VAC14: variants seen among roughly 807,000 people sequenced by gnomAD.
The protein encoded by VAC14 is VAC14 component of PIKFYVE complex.
In VAC14, 47 loss-of-function variants were observed where a neutral mutation model predicts 85.3. That is an observed-to-expected ratio of 0.55 (90% CI 0.44 to 0.70). The LOEUF (loss-of-function observed/expected upper bound fraction) is 0.70. Among genes scored for constraint, VAC14 ranks in the 30% least tolerant of loss-of-function variants. The probability of loss-of-function intolerance (pLI) is 0.00; values close to 1 mark genes in which losing one functional copy is unlikely to be tolerated. For missense variants in VAC14, 861 were observed against 1,004.3 expected, an observed-to-expected ratio of 0.86 and a Z score of 1.93; for synonymous variants, 447 against 430.5, an observed-to-expected ratio of 1.04 and a Z score of -0.47.
chr16:70,696,292 C>T (rs1307859560), intron 16 of VAC14, among the ~76,000 whole-genome samples: 1 of 152,144 alleles, frequency 6.6e-6, no homozygotes, highest in Non-Finnish European at 1.5e-5. Context: ...ATGGGCAGAT[C>T]GCTTGAGGTC....
At chr16:70,729,281 A>G (rs1357029367) in intron 14 of VAC14, among the ~76,000 whole-genome samples, 2 of 152,196 alleles carry the variant, frequency 1.3e-5, no homozygotes, top group Non-Finnish European at 2.9e-5. Flanking sequence ...GCTCTAGAAG[A>G]GCCCAGAGAA....
chr16:70,721,708 C>A (rs1009984546), intron 14 of VAC14, among the ~76,000 whole-genome samples: 5 of 152,146 alleles, frequency 3.3e-5, no homozygotes, highest in African/African-American at 1.2e-4. Context: ...AGCCATTGTG[C>A]CTCTCTGGGC....
intron 14 of VAC14, among the ~76,000 whole-genome samples, chr16:70,709,414 G>C (rs2053983585): frequency 6.6e-6 from 1 of 152,172 alleles, no homozygotes; most frequent in Non-Finnish European, 1.5e-5. Flanking sequence ...AGTTTCTCCA[G>C]AAGCTTCCTG....
intron 14 of VAC14, among the ~76,000 whole-genome samples, chr16:70,723,980 C>T (rs1206457035): frequency 3.3e-5 from 5 of 152,060 alleles, no homozygotes. Flanking sequence ...CAGGGGTCAC[C>T]CTGAAGGACA....
intron 17 of VAC14, among the ~76,000 whole-genome samples, chr16:70,693,345 G>A (rs115328006): frequency 5.6e-4 from 85 of 152,324 alleles, no homozygotes; most frequent in Admixed American, 4.6e-3. Context: ...CTGGTGATAC[G>A]AGGGCTCGGG....
chr16:70,787,568 G>C (rs1283900489), intron 1 of VAC14, among the ~76,000 whole-genome samples: 1 of 152,208 alleles, frequency 6.6e-6, no homozygotes, highest in Non-Finnish European at 1.5e-5. Context: ...TGGACACAAA[G>C]GCCAGGCCTC....
At position 70,763,097 on chromosome 16, in the gene VAC14, A is replaced by G. The variant is rs1257836185; in HGVS notation, c.1161-72T>C. 5 of 1,595,744 alleles carry G rather than the reference A, an allele frequency of 3.1e-6. No individual in the cohort carries two copies. In the East Asian group the frequency reaches 9.0e-5, roughly 29 times the overall value. On this transcript the variant is annotated intron_variant, in intron 10 of 18. Transcript: ENST00000261776. ...CCCTCTCCCATGGAGTCATGGCACC[A>G]CCCTGGGCCTGCACATCCTGAGTCA...
intron 8 of VAC14, 23 bp from the exon 9 acceptor site, chr16:70,780,962 C>T (rs200131837): frequency 7.4e-5 from 119 of 1,613,350 alleles, no homozygotes; most frequent in Non-Finnish European, 9.6e-5. Context: ...ATGTAAGGAG[C>T]GTGATCTGAT....
chr16:70,786,474 T>C (rs1239991753), intron 1 of VAC14, 109 bp from the exon 2 acceptor site: 7 of 1,442,852 alleles, frequency 4.9e-6, no homozygotes, highest in African/African-American at 1.4e-5. Context: ...AAAGAGGAAA[T>C]GGGAGACAGG....
intron 10 of VAC14, among the ~76,000 whole-genome samples, chr16:70,765,172 T>C (rs149620138): frequency 1.1e-4 from 17 of 152,134 alleles, no homozygotes; most frequent in Middle Eastern, 3.4e-3. Flanking sequence ...CACAGGGACA[T>C]GTAGGCTGCC....
intron 18 of VAC14, chr16:70,689,994 G>A: frequency 1.0e-6 from 1 of 985,438 alleles, no homozygotes; most frequent in Non-Finnish European, 1.2e-6. Flanking sequence ...CTGATGCTGG[G>A]CACCCACAGG....
At chr16:70,772,054 A>G (rs909440745) in intron 10 of VAC14, 55 bp downstream of exon 10, 4 of 1,562,272 alleles carry the variant, frequency 2.6e-6, no homozygotes, top group Non-Finnish European at 2.6e-6. Context: ...CGCATCCAGG[A>G]AAGATCTAGG....
chr16:70,800,637 G>C (rs1343309192), intron 1 of VAC14, among the ~76,000 whole-genome samples, 160 bp downstream of exon 1: 1 of 152,220 alleles, frequency 6.6e-6, no homozygotes, highest in Non-Finnish European at 1.5e-5. Flanking sequence ...GTAAAGCAGG[G>C]ACTCCCAGAT....
At chr16:70,753,383 T>C (rs2031559987) in intron 12 of VAC14, among the ~76,000 whole-genome samples, 1 of 152,100 alleles carries the variant, frequency 6.6e-6, no homozygotes, top group African/African-American at 2.4e-5. Flanking sequence ...GGGAGGTGCC[T>C]GGGAAATCCA....
intron 13 of VAC14, among the ~76,000 whole-genome samples, chr16:70,735,683 A>C (rs2054728746): frequency 6.6e-6 from 1 of 152,248 alleles, no homozygotes; most frequent in Non-Finnish European, 1.5e-5. Flanking sequence ...CTCAATCCCA[A>C]GAACCTCCTA....
chr16:70,786,034 T>G, intron 2 of VAC14, 165 bp from the exon 3 acceptor site: 1 of 1,329,882 alleles, frequency 7.5e-7, no homozygotes, highest in Admixed American at 2.5e-5. Context: ...AGAGGGCCCA[T>G]GCCTAGGGGA....
At chr16:70,720,747 G>C (rs1031688725) in intron 14 of VAC14, among the ~76,000 whole-genome samples, 1 of 152,244 alleles carries the variant, frequency 6.6e-6, no homozygotes, top group African/African-American at 2.4e-5. Flanking sequence ...CTCTCCTGGG[G>C]TACTGAGGAG....
rs538497809 is a variant in VAC14, at chr16:70,690,173, G to T, written c.2187-2083C>A. On this transcript the variant is annotated intron_variant, in intron 18 of 18. Transcript: ENST00000261776. ...AGAGTGGGCCACATCTGCTCCCTGG[G>T]CCCTTAGGGTGGCAAGAAGTCCTGC... 20 of 985,504 alleles carry T rather than the reference G, an allele frequency of 2.0e-5. No homozygotes were observed. In the African/African-American group the frequency reaches 3.1e-4, roughly 15 times the overall value. The allele number at this position is 985,504 out of a possible 1,614,324, so 61.0% of individuals were successfully genotyped here.
rs946601758 is a variant in VAC14, at chr16:70,738,592, A to AG, written c.1528+5830dup. 2.3e-3 allele frequency among the ~76,000 whole-genome samples: 346 copies of AG among 152,202 alleles called. 4 individuals are homozygous for AG. The highest frequency in any genetic ancestry group is 7.8e-3 in the African/African-American group (324 of 41,532). On this transcript the variant is annotated intron_variant, in intron 13 of 18. Coordinates refer to ENST00000261776, the MANE Select transcript of VAC14 (RefSeq NM_018052.5). ...GGAAGGCACCCCCTGCTGGTGGAGC[A>AG]GGGGGGCTGGACTGCTGGGGCTTCC...
Sources: allele counts gnomAD v4.1 joint callset (sites outside exome capture counted in the v4.1 genomes callset), GRCh38; gene constraint gnomAD v4.1.1; transcripts MANE v1.5; gene names NCBI Gene and HGNC (gene_info 2026-07-23, HGNC 2026-07-21).